Variants in FCRL1 observed in about 807,000 individuals in gnomAD.
FCRL1 encodes the protein Fc receptor-like protein 1.
A neutral mutation model predicts 49.2 loss-of-function variants in FCRL1; 34 were observed. The ratio of observed to expected loss-of-function variants is 0.69; its 90% CI spans 0.53 to 0.92. FCRL1 has a LOEUF of 0.92. Among genes scored for constraint, FCRL1 ranks in the 40% least tolerant of loss-of-function variants. FCRL1 has a pLI of 0.00. For missense variants in FCRL1, 524 were observed against 524.1 expected, an observed-to-expected ratio of 1.00 and a Z score of 0.00; for synonymous variants, 218 against 201.6, an observed-to-expected ratio of 1.08 and a Z score of -0.69.
In FCRL1 at chr1:157,795,842, C is replaced by G. The variant is rs1472573359; in HGVS notation, c.*257G>C. The G allele has an allele frequency of 4.8e-6, 2 of 413,358 alleles. No individual in the cohort carries two copies. The highest frequency in any genetic ancestry group is 3.9e-5 in the African/African-American group (2 of 50,696). The allele number at this position is 413,358 out of a possible 1,614,324, so 25.6% of individuals were successfully genotyped here. Reference sequence around the variant, plus strand: ...TTGTAAACAGAAGAGCACAATATGACCTGTTTTCAAAGGAGCCGGCAGGAA... The same window carrying G: ...TTGTAAACAGAAGAGCACAATATGAGCTGTTTTCAAAGGAGCCGGCAGGAA... On this transcript the variant is annotated 3_prime_UTR_variant, in exon 11 of 11. Coordinates refer to ENST00000368176, the MANE Select transcript of FCRL1 (RefSeq NM_052938.5).
At chr1:157,803,605 C>A (rs1050779759) in intron 3 of FCRL1, among the ~76,000 whole-genome samples, 2 of 152,208 alleles carry the variant, frequency 1.3e-5, no homozygotes, top group Admixed American at 1.3e-4. Context: ...CTCTTCCCCC[C>A]ACACCCTCCA....
chr1:157,806,664 A>G (rs1172055951), intron 2 of FCRL1: 1 of 158,328 alleles, frequency 6.3e-6, no homozygotes. Context: ...TTCTCCGTGG[A>G]TGTGTGATTT....
At chr1:157,809,845 G>C (rs532958763) in intron 1 of FCRL1, among the ~76,000 whole-genome samples, 1 of 152,264 alleles carries the variant, frequency 6.6e-6, no homozygotes, top group East Asian at 1.9e-4. Context: ...CATCACTTGA[G>C]ACCAGGAATT....
At chr1:157,799,647 C>T (rs1214812276) in intron 7 of FCRL1, among the ~76,000 whole-genome samples, 2 of 144,788 alleles carry the variant, frequency 1.4e-5, no homozygotes, top group Non-Finnish European at 3.0e-5. Flanking sequence ...TTGTGGGGTG[C>T]GGGGGAGGAG....
intron 1 of FCRL1, among the ~76,000 whole-genome samples, chr1:157,812,705 C>G (rs1428514651): frequency 6.6e-6 from 1 of 152,104 alleles, no homozygotes; most frequent in Non-Finnish European, 1.5e-5. Flanking sequence ...AACCTGCATC[C>G]AGGCACAGAT....
chr1:157,818,128 A>G (rs1655305712), intron 1 of FCRL1, among the ~76,000 whole-genome samples: 2 of 152,148 alleles, frequency 1.3e-5, no homozygotes, highest in African/African-American at 2.4e-5. Flanking sequence ...TGGAACTACC[A>G]TATGGTTCAG....
rs762759365 is a variant in FCRL1 at position 157,802,662 on chromosome 1, C to T, written c.322G>A (p.Val108Ile). The T allele has an allele frequency of 1.2e-6, 2 of 1,612,026 alleles. No individual in the cohort carries two copies. The highest frequency in any genetic ancestry group is 4.5e-5 in the East Asian group (2 of 44,788). The change falls in exon 4 of 11, where the codon GTC becomes ATC. Residue 108 changes from valine (V) to isoleucine (I), a missense_variant and splice_region_variant. Val to Ile is a conservative substitution (Grantham distance 29). Transcript: ENST00000368176. ...TCCAAGCTCACATCAGCGACAGGGA[C>T]CCCTGTGTGGACACAAGATGACATA... Reference protein sequence around the residue: ...SRRSQINVHRVPVADVSLETQ... With the variant: ...SRRSQINVHRIPVADVSLETQ...
At chr1:157,817,477 T>C (rs750688839) in intron 1 of FCRL1, among the ~76,000 whole-genome samples, 27 of 152,102 alleles carry the variant, frequency 1.8e-4, no homozygotes, top group Non-Finnish European at 3.1e-4. Flanking sequence ...TATCCACTTA[T>C]AGAAGAATGA....
At chr1:157,803,434 C>G (rs751698609) in intron 3 of FCRL1, among the ~76,000 whole-genome samples, 134 of 152,366 alleles carry the variant, frequency 8.8e-4, no homozygotes, top group Non-Finnish European at 1.7e-3. Flanking sequence ...ATTCTACACA[C>G]TCCTTCAGCA....
At chr1:157,800,836 A>G (rs1652329170) in intron 6 of FCRL1, among the ~76,000 whole-genome samples, 1 of 151,976 alleles carries the variant, frequency 6.6e-6, no homozygotes, top group African/African-American at 2.4e-5. Flanking sequence ...TAGTCAGGAT[A>G]GCTGGAACTG....
At chr1:157,814,895 C>T (rs1347880843) in intron 1 of FCRL1, among the ~76,000 whole-genome samples, 1 of 151,738 alleles carries the variant, frequency 6.6e-6, no homozygotes, top group African/African-American at 2.4e-5. Flanking sequence ...GTGAATTCAT[C>T]AAGAAGATAT....
At chr1:157,812,019 C>T (rs1484566332) in intron 1 of FCRL1, among the ~76,000 whole-genome samples, 2 of 152,162 alleles carry the variant, frequency 1.3e-5, no homozygotes, top group East Asian at 1.9e-4. Flanking sequence ...ATGTGCCTGC[C>T]TCCTTGGCAT....
chr1:157,805,357 C>A (rs1653266420), intron 2 of FCRL1, among the ~76,000 whole-genome samples: 1 of 152,162 alleles, frequency 6.6e-6, no homozygotes, highest in Non-Finnish European at 1.5e-5. Context: ...TCTTTCCTTA[C>A]CAGATGAAAA....
At chr1:157,813,396 A>G (rs953736279) in intron 1 of FCRL1, among the ~76,000 whole-genome samples, 3 of 152,240 alleles carry the variant, frequency 2.0e-5, no homozygotes, top group African/African-American at 7.2e-5. Flanking sequence ...AAACATATAG[A>G]TATCATGAAA....
chr1:157,798,224 G>T lies in FCRL1; in HGVS notation c.1051C>A (p.Pro351Thr), dbSNP rs76976163. ...GAGTTGAGGTAGGTGAACTCTTGGG[G>T]TAGAGGGCTGGGAAGGCTCCTGCAA... ...DPLRSLPSPLPQEFTYLNSPT... is the reference protein window; with the variant it reads ...DPLRSLPSPLTQEFTYLNSPT... Residue 351 changes from proline (P) to threonine (T), a missense_variant, in exon 8 of 11, where the codon CCC becomes ACC. Physicochemically the swap from Pro to Thr is conservative, Grantham distance 38. Coordinates refer to ENST00000368176, the MANE Select transcript of FCRL1 (RefSeq NM_052938.5). The T allele has an allele frequency of 9.1e-4, 1,467 of 1,612,710 alleles. 8 individuals carry two copies. In the African/African-American group the frequency reaches 0.016, roughly 17 times the overall value.
chr1:157,801,261 A>G (rs1652420858), intron 6 of FCRL1, among the ~76,000 whole-genome samples, 200 bp downstream of exon 6: 1 of 152,208 alleles, frequency 6.6e-6, no homozygotes, highest in African/African-American at 2.4e-5. Context: ...AACTGATAGC[A>G]CATGAGGGAT....
chr1:157,805,107 T>C (rs6427403), intron 2 of FCRL1, among the ~76,000 whole-genome samples: 89,747 of 152,000 alleles, frequency 0.59, 28,931 homozygotes, highest in African/African-American at 0.87. Flanking sequence ...GTGATCCTAC[T>C]GCCTTGGCAT....
In FCRL1 at chr1:157,814,203, C is replaced by T. The variant is rs530330040; in HGVS notation, c.31+5804G>A. On this transcript the variant is annotated intron_variant, in intron 1 of 10. Transcript: ENST00000368176. ...AATTCAGAAAATCTCATTACTGTAACGGTGATTTGTAAATCTTTCAAATAT... is the reference window on the plus strand; with the variant it reads ...AATTCAGAAAATCTCATTACTGTAATGGTGATTTGTAAATCTTTCAAATAT... Among the ~76,000 whole-genome samples the T allele has an allele frequency of 1.7e-4, 26 of 152,180 alleles. 1 individual carries two copies. The highest frequency in any genetic ancestry group is 5.8e-4 in the East Asian group (3 of 5,192).
intron 9 of FCRL1, 193 bp downstream of exon 9, chr1:157,797,675 A>C (rs1454335126): frequency 7.0e-7 from 1 of 1,433,946 alleles, no homozygotes; most frequent in African/African-American, 1.4e-5. Context: ...AGGGGAAAGA[A>C]AGAACCTTAG....
Sources: allele counts gnomAD v4.1 joint callset (sites outside exome capture counted in the v4.1 genomes callset), GRCh38; gene constraint gnomAD v4.1.1; transcripts MANE v1.5; gene names NCBI Gene and HGNC (gene_info 2026-07-23, HGNC 2026-07-21).